DCLK1: variants seen among roughly 807,000 people sequenced by gnomAD.
DCLK1 encodes doublecortin like kinase 1.
In DCLK1, 16 loss-of-function variants were observed where a neutral mutation model predicts 86.2. That is an observed-to-expected ratio of 0.19 (90% CI 0.13 to 0.28). The LOEUF is 0.28. Among genes scored for constraint, DCLK1 ranks in the 10% least tolerant of loss-of-function variants. The pLI is 1.00. For missense variants in DCLK1, 590 were observed against 940.2 expected (o/e 0.63, Z 4.87); for synonymous variants, 369 against 370.5 (o/e 1.00, Z 0.05).
intron 3 of DCLK1, among the ~76,000 whole-genome samples, chr13:36,073,767 C>T (rs1593866324): frequency 1.3e-5 from 2 of 152,146 alleles, no homozygotes; most frequent in South Asian, 2.1e-4. Context: ...GAGGACCTTG[C>T]TACCTATGAT....
intron 3 of DCLK1, among the ~76,000 whole-genome samples, chr13:35,951,802 C>T (rs541220052): frequency 5.9e-5 from 9 of 152,252 alleles, no homozygotes; most frequent in African/African-American, 2.2e-4. Flanking sequence ...CTTGCTCTGC[C>T]ACCATCACTG....
At chr13:35,981,841 T>C (rs967096894) in intron 3 of DCLK1, among the ~76,000 whole-genome samples, 1 of 152,172 alleles carries the variant, frequency 6.6e-6, no homozygotes. Context: ...GTAATTCCAT[T>C]TTTAATTTTT....
At chr13:35,866,921 G>A (rs1172811550) in intron 5 of DCLK1, among the ~76,000 whole-genome samples, 1 of 152,188 alleles carries the variant, frequency 6.6e-6, no homozygotes, top group African/African-American at 2.4e-5. Context: ...GTAGGGACAG[G>A]AGACCTGGGC....
chr13:35,931,718 G>C (rs1876442219), intron 4 of DCLK1, among the ~76,000 whole-genome samples: 1 of 152,112 alleles, frequency 6.6e-6, no homozygotes, highest in Non-Finnish European at 1.5e-5. Context: ...TGGAAAAGAA[G>C]CTTTTGGGAA....
chr13:35,973,045 C>T (rs753233009), intron 3 of DCLK1, among the ~76,000 whole-genome samples: 1 of 152,138 alleles, frequency 6.6e-6, no homozygotes. Context: ...GGGCCCACAG[C>T]AGAGGAGCTT....
intron 16 of DCLK1, chr13:35,788,273 A>G (rs2086655441): frequency 1.2e-6 from 2 of 1,613,914 alleles, no homozygotes; most frequent in Non-Finnish European, 1.7e-6. Context: ...TTGATGGTAA[A>G]CCCGTGGTCC....
In DCLK1 at chr13:36,021,207, T is replaced by C. The variant is rs138953214; in HGVS notation, c.724-73750A>G. On this transcript the variant is annotated intron_variant, in intron 3 of 16. Transcript: ENST00000360631. ...ACCAAACTAGATTGTCTTATGATGA[T>C]AATTGTATTCCTCGGGATAGCCACT... is the stretch of plus-strand genomic sequence containing the variant. 1.2e-3 allele frequency among the ~76,000 whole-genome samples: 178 copies of C among 150,098 alleles called. 1 individual carries two copies. The highest frequency in any genetic ancestry group is 4.2e-3 in the African/African-American group (170 of 40,788).
intron 6 of DCLK1, chr13:35,845,862 T>C (rs1870139120): frequency 1.1e-6 from 1 of 937,846 alleles, no homozygotes; most frequent in Non-Finnish European, 1.3e-6. Flanking sequence ...CAGTGTCTAC[T>C]TATCAAATTT....
At chr13:36,127,801 G>A (rs141248144) in intron 1 of DCLK1, among the ~76,000 whole-genome samples, 2 of 152,186 alleles carry the variant, frequency 1.3e-5, no homozygotes, top group South Asian at 2.1e-4. Flanking sequence ...TGGAGGACCA[G>A]TTCATCCTTG....
At chr13:35,967,113 G>A (rs980252280) in intron 3 of DCLK1, among the ~76,000 whole-genome samples, 8 of 150,960 alleles carry the variant, frequency 5.3e-5, no homozygotes, top group Admixed American at 1.3e-4. Context: ...CCTCTGCCTC[G>A]CCGCCCCATC....
chr13:35,958,243 C>T (rs62648234), intron 3 of DCLK1, among the ~76,000 whole-genome samples: 7,784 of 10,800 alleles, frequency 0.72, 2,574 homozygotes, highest in Middle Eastern at 0.77. Context: ...ACCATCATCA[C>T]CACCACCACT....
At chr13:36,069,385 A>C (rs1883884117) in intron 3 of DCLK1, among the ~76,000 whole-genome samples, 1 of 152,182 alleles carries the variant, frequency 6.6e-6, no homozygotes, top group Admixed American at 6.5e-5. Context: ...AAAACCAAGA[A>C]TACACCACTA....
intron 3 of DCLK1, among the ~76,000 whole-genome samples, chr13:35,951,304 TG>T: frequency 6.6e-6 from 1 of 151,444 alleles, no homozygotes; most frequent in Admixed American, 6.6e-5. Context: ...GATGGATGGA[TG>T]GATGGATGGA....
intron 4 of DCLK1, among the ~76,000 whole-genome samples, chr13:35,913,169 G>T (rs965439555): frequency 6.6e-6 from 1 of 152,176 alleles, no homozygotes; most frequent in African/African-American, 2.4e-5. Context: ...ATACAGCCAC[G>T]TGACTTTGAT....
intron 16 of DCLK1, 61 bp downstream of exon 16, chr13:35,793,305 T>C: frequency 7.5e-7 from 1 of 1,330,074 alleles, no homozygotes; most frequent in Non-Finnish European, 1.1e-6. Flanking sequence ...TCCTGAGTAA[T>C]GCCTGTCTCT....
chr13:35,918,217 G>A (rs1875551833), intron 4 of DCLK1, among the ~76,000 whole-genome samples: 2 of 152,104 alleles, frequency 1.3e-5, no homozygotes, highest in Non-Finnish European at 2.9e-5. Flanking sequence ...TGGAATAAAT[G>A]TACTCTTCCC....
In DCLK1 at chr13:35,947,505, T is replaced by C; in HGVS notation, c.724-48A>G. 1.5e-5 allele frequency: 23 copies of C among 1,491,494 alleles called. 1 individual carries two copies. Among genetic ancestry groups the C allele is most frequent in the South Asian group, 1.1e-4 (10 of 87,010 alleles). 92.4% of individuals were successfully genotyped at this position (1,491,494 alleles called of 1,614,324 possible). On this transcript the variant is annotated intron_variant, in intron 3 of 16. Coordinates refer to ENST00000360631, the MANE Select transcript of DCLK1 (RefSeq NM_001330071.2). ...TCAGCAAGGGTGGTAGAACAGCAAT[T>C]ACAACAATGCAACCCCACGAGCAGA...
chr13:36,025,652 G>A (rs147991177), intron 3 of DCLK1, among the ~76,000 whole-genome samples: 1 of 152,244 alleles, frequency 6.6e-6, no homozygotes, highest in African/African-American at 2.4e-5. Context: ...GCCACATATT[G>A]TATAGGCCCA....
intron 3 of DCLK1, among the ~76,000 whole-genome samples, chr13:36,021,095 G>A (rs1461203598): frequency 2.0e-5 from 3 of 152,032 alleles, no homozygotes; most frequent in African/African-American, 4.8e-5. Flanking sequence ...TAATTTGTGT[G>A]ACAATAATAG....
Sources: gnomAD v4.1 joint callset for allele counts (sites outside exome capture counted in the v4.1 genomes callset) on GRCh38, gnomAD v4.1.1 for gene constraint, MANE v1.5 for transcripts, NCBI Gene and HGNC (gene_info 2026-07-23, HGNC 2026-07-21) for gene names.